Variants in ZHX3 observed in about 807,000 individuals in gnomAD.
The protein encoded by ZHX3 is zinc fingers and homeoboxes protein 3.
Under a neutral mutation model 64.5 loss-of-function variants are expected in ZHX3, and 20 were observed. The ratio of observed to expected loss-of-function variants is 0.31; its 90% CI spans 0.22 to 0.45. ZHX3 has a LOEUF of 0.45. ZHX3 is among the 20% of genes least tolerant of loss of function. The pLI is 1.00. For synonymous variants in ZHX3, 423 were observed against 461.6 expected (o/e 0.92, Z 1.07); for missense variants, 1,041 against 1,195.8 (o/e 0.87, Z 1.91).
intron 1 of ZHX3, among the ~76,000 whole-genome samples, chr20:41,271,551 A>G (rs2043150158): frequency 6.6e-6 from 1 of 152,200 alleles, no homozygotes; most frequent in Admixed American, 6.5e-5. Context: ...TTGGATCATA[A>G]GAGGAAGCAG....
At chr20:41,252,837 C>T (rs1231287135) in intron 2 of ZHX3, among the ~76,000 whole-genome samples, 7 of 152,172 alleles carry the variant, frequency 4.6e-5, no homozygotes, top group South Asian at 4.1e-4. Context: ...ACACAACAAA[C>T]GAACCCCATT....
chr20:41,202,642 G>C lies in ZHX3; in HGVS notation c.2275C>G (p.Leu759Val). Residue 759 changes from leucine to valine, a missense_variant, in exon 3 of 4, where the codon CTG becomes GTG. Leu to Val is a conservative substitution (Grantham distance 32, BLOSUM62 1). Transcript: ENST00000683867. The surrounding 1 kb of genome is among the most constrained non-coding windows in gnomAD (Gnocchi z 7.0). ...CDPEDDESNKLAEQLPGKVSC... is the reference protein window; with the variant it reads ...CDPEDDESNKVAEQLPGKVSC... ...ACTTTGCCTGGGAGCTGCTCTGCCA[G>C]TTTGTTTGACTCATCATCCTCAGGG... The C allele has an allele frequency of 6.2e-7, 1 of 1,613,908 alleles. No homozygotes were observed. Among genetic ancestry groups the C allele is most frequent in the Non-Finnish European group, 8.5e-7 (1 of 1,180,024 alleles).
chr20:41,210,961 C>T (rs2039117856), intron 2 of ZHX3, among the ~76,000 whole-genome samples: 1 of 152,138 alleles, frequency 6.6e-6, no homozygotes, highest in African/African-American at 2.4e-5. Context: ...CATTACATAA[C>T]ATCCCTTACC....
At chr20:41,258,791 T>C (rs2042404087) in intron 2 of ZHX3, among the ~76,000 whole-genome samples, 1 of 152,194 alleles carries the variant, frequency 6.6e-6, no homozygotes, top group Admixed American at 6.5e-5. Flanking sequence ...TCTTTATAGT[T>C]AATTAACACG....
chr20:41,206,944 G>A (rs561948460), intron 2 of ZHX3, among the ~76,000 whole-genome samples: 67 of 152,278 alleles, frequency 4.4e-4, no homozygotes, highest in South Asian at 8.3e-4. Context: ...GAATAACAGC[G>A]GATCTCTCGG....
At chr20:41,282,451 AG>A (rs1338607677) in intron 1 of ZHX3, among the ~76,000 whole-genome samples, 26 of 139,554 alleles carry the variant, frequency 1.9e-4, no homozygotes, top group African/African-American at 7.0e-4. Flanking sequence ...ATTCGCCTCC[AG>A]GGTTCAAGCG....
Position 41,185,307 on chromosome 20 carries a change from C to T in ZHX3, c.2861-106G>A. ...GGGTGGCATCACTGGCTTTGAGGACCTCTTAATTCCATGAGCAATGAATGG... is the reference window on the plus strand; with the variant it reads ...GGGTGGCATCACTGGCTTTGAGGACTTCTTAATTCCATGAGCAATGAATGG... On this transcript the variant is annotated intron_variant, in intron 3 of 3. Coordinates refer to ENST00000683867, the MANE Select transcript of ZHX3 (RefSeq NM_001384317.1). This position sits in a 1 kb window ranked among gnomAD's most constrained non-coding sequence, Gnocchi z 5.0. 1 of 1,325,866 alleles carries T rather than the reference C, an allele frequency of 7.5e-7. No individual in the cohort carries two copies. Among genetic ancestry groups the T allele is most frequent in the East Asian group, 2.5e-5 (1 of 40,474 alleles). The allele number at this position is 1,325,866 out of a possible 1,614,324, so 82.1% of individuals were successfully genotyped here.
intron 2 of ZHX3, among the ~76,000 whole-genome samples, chr20:41,260,235 G>A (rs1170127950): frequency 2.0e-5 from 3 of 151,152 alleles, no homozygotes; most frequent in Non-Finnish European, 4.4e-5. Context: ...AAATAGTTTT[G>A]AAGTTCTGGC....
chr20:41,289,618 G>A (rs886297007), intron 1 of ZHX3, among the ~76,000 whole-genome samples: 1 of 151,700 alleles, frequency 6.6e-6, no homozygotes, highest in Non-Finnish European at 1.5e-5. Flanking sequence ...CTAATAAAAC[G>A]TTTGGCTATG....
intron 2 of ZHX3, among the ~76,000 whole-genome samples, chr20:41,231,985 G>C (rs139987780): frequency 1.2e-3 from 177 of 152,282 alleles, no homozygotes; most frequent in African/African-American, 4.1e-3. Context: ...ATGGAAACTA[G>C]ATGGTTAAAA....
intron 2 of ZHX3, among the ~76,000 whole-genome samples, 155 bp from the exon 3 acceptor site, chr20:41,205,221 C>A (rs2038600446): frequency 6.6e-6 from 1 of 152,074 alleles, no homozygotes; most frequent in African/African-American, 2.4e-5. Context: ...AAGTTAGGAA[C>A]CCCCTAATGA....
intron 2 of ZHX3, among the ~76,000 whole-genome samples, chr20:41,247,725 C>G (rs2041780690): frequency 6.6e-6 from 1 of 152,170 alleles, no homozygotes; most frequent in Admixed American, 6.5e-5. Flanking sequence ...TGCCTGCACC[C>G]TGCCCTCCCT....
chr20:41,229,015 A>G, intron 2 of ZHX3, among the ~76,000 whole-genome samples: 1 of 152,180 alleles, frequency 6.6e-6, no homozygotes, highest in South Asian at 2.1e-4. Flanking sequence ...ATCTGCCTCC[A>G]GAACTCTTTG....
In ZHX3 at chr20:41,180,492, TC is replaced by T. The variant is rs141710263; in HGVS notation, c.*4698del. The T allele has an allele frequency of 0.029, 4,391 of 152,246 alleles. 95 individuals are homozygous for T. Among genetic ancestry groups the T allele is most frequent in the Middle Eastern group, 0.11 (33 of 296 alleles). 9.4% of individuals were successfully genotyped at this position (152,246 alleles called of 1,614,324 possible). A position where few individuals can be genotyped will look rare whatever the true frequency, so the allele number is the denominator to read the frequency against. Reference sequence around the variant, plus strand: ...CTGGATCTAGAGCTAAATAGAAACTTCTTTGCCATAGAAACTTCTCTGTTGA... The same window carrying T: ...CTGGATCTAGAGCTAAATAGAAACTTTTTGCCATAGAAACTTCTCTGTTGA... On this transcript the variant is annotated 3_prime_UTR_variant, in exon 4 of 4. Transcript: ENST00000683867.
chr20:41,317,314 G>C (rs1363509148), intron 1 of ZHX3, 195 bp downstream of exon 1: 1 of 152,358 alleles, frequency 6.6e-6, no homozygotes, highest in Non-Finnish European at 1.5e-5. Context: ...CAGCATGGGG[G>C]TGCTGGCGGC....
chr20:41,275,024 G>A (rs1445929621), intron 1 of ZHX3, among the ~76,000 whole-genome samples: 1 of 152,130 alleles, frequency 6.6e-6, no homozygotes, highest in Non-Finnish European at 1.5e-5. Context: ...GGGCGTGGAG[G>A]CGGGCACCTG....
intron 1 of ZHX3, among the ~76,000 whole-genome samples, chr20:41,282,398 C>T (rs2146695013): frequency 9.1e-6 from 1 of 109,698 alleles, no homozygotes. Flanking sequence ...CTAGCTTTGT[C>T]ACCAGGCTGG....
intron 2 of ZHX3, among the ~76,000 whole-genome samples, chr20:41,225,190 T>C (rs2040184654): frequency 6.6e-6 from 1 of 152,202 alleles, no homozygotes; most frequent in African/African-American, 2.4e-5. Flanking sequence ...ATTGGTAAAA[T>C]GAGGAGCTAT....
chr20:41,292,442 A>G (rs1049452406), intron 1 of ZHX3, among the ~76,000 whole-genome samples: 1 of 152,192 alleles, frequency 6.6e-6, no homozygotes, highest in Non-Finnish European at 1.5e-5. Flanking sequence ...AATGACCAAA[A>G]AAGTATGGGT....
Sources: gnomAD v4.1 joint callset for allele counts (sites outside exome capture counted in the v4.1 genomes callset) on GRCh38, gnomAD v4.1.1 for gene constraint, Gnocchi (gnomAD v3.1) non-coding constraint, MANE v1.5 for transcripts, NCBI Gene and HGNC (gene_info 2026-07-23, HGNC 2026-07-21) for gene names.